Variants in DLGAP2 observed in about 807,000 individuals in gnomAD.
DLGAP2 encodes disks large-associated protein 2.
In DLGAP2, 26 loss-of-function variants were observed where a neutral mutation model predicts 100.3. The ratio of observed to expected loss-of-function variants is 0.26; its 90% CI spans 0.19 to 0.36. DLGAP2 has a LOEUF of 0.36. Among genes scored for constraint, DLGAP2 ranks in the 10% least tolerant of loss-of-function variants. The probability of loss-of-function intolerance (pLI) is 1.00; values close to 1 mark genes in which losing one functional copy is unlikely to be tolerated. For missense variants in DLGAP2, 1,858 were observed against 1,453.2 expected (o/e 1.28, Z -4.53); for synonymous variants, 886 against 630.1 (o/e 1.41, Z -6.08).
chr8:1,391,209 G>A (rs1021945181), intron 3 of DLGAP2, among the ~76,000 whole-genome samples: 3 of 152,236 alleles, frequency 2.0e-5, no homozygotes, highest in African/African-American at 7.2e-5. Flanking sequence ...TGGGGACATT[G>A]TGCAGGATGT....
intron 1 of DLGAP2, among the ~76,000 whole-genome samples, chr8:897,579 G>T (rs920404583): frequency 2.6e-5 from 4 of 152,150 alleles, no homozygotes; most frequent in Non-Finnish European, 4.4e-5. Flanking sequence ...GAGTCACGGG[G>T]GTGTGTGCGA....
At position 1,004,601 on chromosome 8, in the gene DLGAP2, G is replaced by A. The variant is rs570895444; in HGVS notation, c.73+96635G>A. On this transcript the variant is annotated intron_variant, in intron 2 of 14. Coordinates refer to ENST00000637795, the MANE Select transcript of DLGAP2 (RefSeq NM_001346810.2). ...CCTGTATAGTGCCTGTGAAGGGATC[G>A]GATTGTGTCCACAGCTCGCACACTG... Among the ~76,000 whole-genome samples the A allele has an allele frequency of 1.6e-4, 25 of 152,272 alleles. No homozygotes were observed. In the South Asian group the frequency reaches 2.1e-3, roughly 13 times the overall value.
chr8:1,181,588 A>T (rs1204618561), intron 2 of DLGAP2, among the ~76,000 whole-genome samples: 2 of 152,066 alleles, frequency 1.3e-5, no homozygotes, highest in Non-Finnish European at 2.9e-5. Context: ...AATGGGTACT[A>T]GGCTTAATAC....
intron 3 of DLGAP2, among the ~76,000 whole-genome samples, chr8:1,323,550 C>T (rs1446582707): frequency 1.3e-5 from 2 of 152,214 alleles, no homozygotes; most frequent in African/African-American, 2.4e-5. Context: ...GAAGCAATGG[C>T]TCCTGCTGAA....
At chr8:1,548,288 C>T (rs561083294) in intron 4 of DLGAP2, among the ~76,000 whole-genome samples, 1 of 151,770 alleles carries the variant, frequency 6.6e-6, no homozygotes, top group East Asian at 2.0e-4. Context: ...GGCGAAACCT[C>T]GTCTCTACTA....
At chr8:1,499,598 C>T (rs1460069044) in intron 3 of DLGAP2, among the ~76,000 whole-genome samples, 2 of 152,168 alleles carry the variant, frequency 1.3e-5, no homozygotes, top group Non-Finnish European at 2.9e-5. Context: ...CTGAAAAACG[C>T]AGCTTAAACT....
chr8:1,163,652 T>G (rs1258066030), intron 2 of DLGAP2, among the ~76,000 whole-genome samples: 4 of 152,120 alleles, frequency 2.6e-5, no homozygotes, highest in Non-Finnish European at 5.9e-5. Flanking sequence ...GGCGGCCGCC[T>G]GGGGAGGGCC....
chr8:1,191,376 T>C (rs547258664), intron 2 of DLGAP2, among the ~76,000 whole-genome samples: 3 of 152,238 alleles, frequency 2.0e-5, no homozygotes, highest in African/African-American at 4.8e-5. Context: ...TTCACCGTGT[T>C]AGCCAGGATG....
intron 3 of DLGAP2, among the ~76,000 whole-genome samples, chr8:1,453,316 G>T (rs1449078207): frequency 1.3e-5 from 2 of 152,048 alleles, no homozygotes; most frequent in African/African-American, 4.8e-5. Flanking sequence ...TCACCAAGTG[G>T]GAGAAAAAGT....
chr8:1,362,541 A>G (rs1259985052), intron 3 of DLGAP2, among the ~76,000 whole-genome samples: 1 of 152,070 alleles, frequency 6.6e-6, no homozygotes, highest in Non-Finnish European at 1.5e-5. Flanking sequence ...TGGCTTCCAC[A>G]CTAACCATGG....
intron 10 of DLGAP2, among the ~76,000 whole-genome samples, 183 bp downstream of exon 10, chr8:1,669,967 G>A (rs1232973425): frequency 1.3e-5 from 2 of 152,168 alleles, no homozygotes; most frequent in Non-Finnish European, 2.9e-5. Flanking sequence ...TCCCTAACCT[G>A]CCTGCAGCCC....
At chr8:1,337,769 G>C (rs928712278) in intron 3 of DLGAP2, among the ~76,000 whole-genome samples, 1 of 152,230 alleles carries the variant, frequency 6.6e-6, no homozygotes, top group Admixed American at 6.5e-5. Flanking sequence ...CCGATAAAAT[G>C]GTAGAAAATA....
intron 3 of DLGAP2, among the ~76,000 whole-genome samples, chr8:1,359,643 G>T (rs1801933782): frequency 6.6e-6 from 1 of 152,242 alleles, no homozygotes; most frequent in Non-Finnish European, 1.5e-5. Flanking sequence ...CCCTGTGGGT[G>T]ATGCGGTGGC....
At chr8:885,317 A>C (rs1797902179) in intron 1 of DLGAP2, among the ~76,000 whole-genome samples, 1 of 152,116 alleles carries the variant, frequency 6.6e-6, no homozygotes, top group Non-Finnish European at 1.5e-5. Context: ...TGGTTTAAGT[A>C]CTTCTCCTTG....
intron 1 of DLGAP2, among the ~76,000 whole-genome samples, chr8:894,601 T>C (rs571060310): frequency 4.1e-5 from 2 of 48,412 alleles, no homozygotes; most frequent in Non-Finnish European, 7.5e-5. Context: ...AGGGGTGTGG[T>C]GGGGAGAGCA....
chr8:1,480,853 C>T (rs533799164), intron 3 of DLGAP2, among the ~76,000 whole-genome samples: 2 of 145,858 alleles, frequency 1.4e-5, no homozygotes, highest in East Asian at 2.1e-4. Flanking sequence ...GAAACAAGAA[C>T]GAAACTCCAT....
chr8:1,241,806 A>C (rs1798802639), intron 2 of DLGAP2, among the ~76,000 whole-genome samples: 1 of 152,202 alleles, frequency 6.6e-6, no homozygotes, highest in Non-Finnish European at 1.5e-5. Context: ...TTTAAAGTTC[A>C]GCGGCAGGAC....
At chr8:1,345,805 C>T (rs769801952) in intron 3 of DLGAP2, among the ~76,000 whole-genome samples, 1 of 152,226 alleles carries the variant, frequency 6.6e-6, no homozygotes, top group African/African-American at 2.4e-5. Context: ...GCTTGTAACA[C>T]CTACCTCAGC....
chr8:1,569,457 T>G (rs1268317084), intron 6 of DLGAP2, among the ~76,000 whole-genome samples: 1 of 152,096 alleles, frequency 6.6e-6, no homozygotes, highest in Non-Finnish European at 1.5e-5. Context: ...GAAACTCCTC[T>G]GAGTCACTCT....
Sources: allele counts gnomAD v4.1 joint callset (sites outside exome capture counted in the v4.1 genomes callset), GRCh38; gene constraint gnomAD v4.1.1; transcripts MANE v1.5; gene names NCBI Gene and HGNC (gene_info 2026-07-23, HGNC 2026-07-21).